CRYBG1: variants seen among roughly 807,000 people sequenced by gnomAD.
The protein encoded by CRYBG1 is crystallin beta-gamma domain containing 1.
CRYBG1 carries 139 observed loss-of-function variants against 189.2 expected under a neutral mutation model. That is an observed-to-expected ratio of 0.73 (90% confidence interval 0.64 to 0.85). The LOEUF is 0.85. Ranked by LOEUF, CRYBG1 falls within the 40% of genes least tolerant of loss-of-function variation. The probability of loss-of-function intolerance (pLI) is 0.00; values close to 1 mark genes in which losing one functional copy is unlikely to be tolerated. For missense variants in CRYBG1, 2,611 were observed against 2,675.8 expected (o/e 0.98, Z 0.53); for synonymous variants, 1,023 against 1,017.1 (o/e 1.01, Z -0.11).
chr6:106,375,385 T>TTAAC (rs1770132499), intron 1 of CRYBG1, among the ~76,000 whole-genome samples: 1 of 144,982 alleles, frequency 6.9e-6, no homozygotes, highest in Non-Finnish European at 1.5e-5. Flanking sequence ...GGCCCTGTCT[T>TTAAC]TAAGTAAGTA....
Position 106,494,259 on chromosome 6 carries a change from A to T in CRYBG1, c.313-17171A>T, listed in dbSNP as rs534377097. Among the ~76,000 whole-genome samples, 50 of 152,288 alleles carry T rather than the reference A, an allele frequency of 3.3e-4. No homozygotes were observed. In the South Asian group the frequency reaches 8.9e-3, roughly 27 times the overall value. ...GGCAGAGGAGAATGGGAGTTTCTGG[A>T]TGATTATAGATTTCAGATTTTCAAG... is the stretch of plus-strand genomic sequence containing the variant. On this transcript the variant is annotated intron_variant, in intron 2 of 21. Coordinates refer to ENST00000633556, the MANE Select transcript of CRYBG1 (RefSeq NM_001371242.2).
intron 2 of CRYBG1, among the ~76,000 whole-genome samples, chr6:106,507,003 G>A (rs1429600230): frequency 6.6e-6 from 1 of 152,134 alleles, no homozygotes; most frequent in Non-Finnish European, 1.5e-5. Flanking sequence ...CTAATGGGTA[G>A]CAAATGTTAC....
rs772497410 is a variant in CRYBG1 at position 106,512,593 on chromosome 6, C to T, written c.1476C>T (p.Thr492=). 4.4e-6 allele frequency: 7 copies of T among 1,604,644 alleles called. No individual in the cohort carries two copies. The highest frequency in any genetic ancestry group is 6.0e-6 in the Non-Finnish European group (7 of 1,176,446). The change falls in exon 3 of 22, where the codon ACC becomes ACT. Residue 492 remains threonine, a synonymous_variant. Transcript: ENST00000633556. Reference sequence around the variant, plus strand: ...CAGAGTCCAAGCCCAGCCCCGGTACCAAAGGGCAGCTCCGAGGGGAGTCGG... The same window carrying T: ...CAGAGTCCAAGCCCAGCCCCGGTACTAAAGGGCAGCTCCGAGGGGAGTCGG... ...ASPESKPSPG[T]KGQLRGESDR...
chr6:106,504,519 A>G (rs1042922091), intron 2 of CRYBG1, among the ~76,000 whole-genome samples: 2 of 152,176 alleles, frequency 1.3e-5, no homozygotes, highest in Non-Finnish European at 2.9e-5. Context: ...TATATCTAGT[A>G]TACTCTTAGG....
intron 1 of CRYBG1, among the ~76,000 whole-genome samples, chr6:106,432,076 C>A (rs957557218): frequency 1.3e-5 from 2 of 151,528 alleles, no homozygotes; most frequent in Non-Finnish European, 2.9e-5. Context: ...TCTAGCGTGG[C>A]AAAAATCATT....
chr6:106,409,243 G>A (rs1770880427), intron 1 of CRYBG1, among the ~76,000 whole-genome samples: 1 of 152,142 alleles, frequency 6.6e-6, no homozygotes, highest in South Asian at 2.1e-4. Flanking sequence ...CAAACAGAGA[G>A]CCAGATCATG....
intron 2 of CRYBG1, among the ~76,000 whole-genome samples, chr6:106,500,514 G>C (rs1772984826): frequency 6.7e-6 from 1 of 149,886 alleles, no homozygotes; most frequent in Admixed American, 6.6e-5. Context: ...TTTTAAATCA[G>C]ATTGTTTTTG....
intron 1 of CRYBG1, among the ~76,000 whole-genome samples, chr6:106,443,898 A>T (rs1343107822): frequency 6.6e-6 from 1 of 152,034 alleles, no homozygotes; most frequent in African/African-American, 2.4e-5. Context: ...GTTATTTTTT[A>T]ATGTACAATA....
intron 2 of CRYBG1, among the ~76,000 whole-genome samples, chr6:106,505,342 C>T (rs1773108303): frequency 6.6e-6 from 1 of 152,156 alleles, no homozygotes; most frequent in African/African-American, 2.4e-5. Context: ...GATCTGCCCA[C>T]CTTGGCTTCC....
intron 2 of CRYBG1, among the ~76,000 whole-genome samples, chr6:106,462,426 T>C (rs527289829): frequency 3.0e-4 from 46 of 152,360 alleles, no homozygotes; most frequent in African/African-American, 1.1e-3. Flanking sequence ...CCCAAAGTGC[T>C]GGGATTACAG....
chr6:106,487,875 T>C (rs994170537), intron 2 of CRYBG1, among the ~76,000 whole-genome samples: 1 of 152,224 alleles, frequency 6.6e-6, no homozygotes, highest in Non-Finnish European at 1.5e-5. Flanking sequence ...CTTTTCTTGC[T>C]TTTTTCTTCT....
In CRYBG1 at chr6:106,542,394, T is replaced by C. The variant is rs1293115001; in HGVS notation, c.4881+773T>C. Reference sequence around the variant, plus strand: ...ATTTCTCCAGCTCAAGCCATCCTCTTGCCTCAGCCTCCTGAATAGCTGGGA... The same window carrying C: ...ATTTCTCCAGCTCAAGCCATCCTCTCGCCTCAGCCTCCTGAATAGCTGGGA... On this transcript the variant is annotated intron_variant, in intron 10 of 21. Transcript: ENST00000633556. 2.7e-5 allele frequency among the ~76,000 whole-genome samples: 4 copies of C among 150,766 alleles called. 1 individual carries two copies. In the South Asian group the frequency reaches 6.2e-4, roughly 23 times the overall value.
At chr6:106,535,435 T>A (rs1014842626) in intron 8 of CRYBG1, among the ~76,000 whole-genome samples, 3 of 152,224 alleles carry the variant, frequency 2.0e-5, no homozygotes, top group Non-Finnish European at 4.4e-5. Flanking sequence ...TTGTGTTATT[T>A]TTCTGAGCAC....
chr6:106,488,058 A>C (rs2114488967), intron 2 of CRYBG1, among the ~76,000 whole-genome samples: 1 of 152,242 alleles, frequency 6.6e-6, no homozygotes, highest in East Asian at 1.9e-4. Flanking sequence ...GGTCTTCATA[A>C]AGATTCTTCA....
intron 1 of CRYBG1, among the ~76,000 whole-genome samples, chr6:106,413,294 C>T (rs9399995): frequency 0.51 from 77,012 of 152,016 alleles, 19,948 homozygotes; most frequent in South Asian, 0.72. Context: ...ATCACACAGT[C>T]AGAGCAGGTA....
At chr6:106,480,012 C>G (rs1263751322) in intron 2 of CRYBG1, among the ~76,000 whole-genome samples, 2 of 151,962 alleles carry the variant, frequency 1.3e-5, no homozygotes, top group Non-Finnish European at 2.9e-5. Flanking sequence ...GATTAAAACT[C>G]TGTTTTCTTC....
chr6:106,402,783 C>T (rs977312850), intron 1 of CRYBG1, among the ~76,000 whole-genome samples: 7 of 152,122 alleles, frequency 4.6e-5, no homozygotes, highest in African/African-American at 1.7e-4. Flanking sequence ...GAAATGACCA[C>T]CGAGCCCTTG....
chr6:106,427,042 C>T (rs966236158), intron 1 of CRYBG1, among the ~76,000 whole-genome samples: 1 of 152,152 alleles, frequency 6.6e-6, no homozygotes. Context: ...CATGAACTCT[C>T]TTTTTGCCTC....
intron 1 of CRYBG1, among the ~76,000 whole-genome samples, chr6:106,387,617 T>C (rs540186381): frequency 6.6e-6 from 1 of 152,318 alleles, no homozygotes; most frequent in East Asian, 1.9e-4. Flanking sequence ...GTTTTTTCTA[T>C]TGCTGTGTAC....
Sources: gnomAD v4.1 joint callset for allele counts (sites outside exome capture counted in the v4.1 genomes callset) on GRCh38, gnomAD v4.1.1 for gene constraint, MANE v1.5 for transcripts, NCBI Gene and HGNC (gene_info 2026-07-23, HGNC 2026-07-21) for gene names.